The following EVI5 variants were observed in gnomAD, a reference collection of about 807,000 sequenced individuals.
EVI5 encodes the protein ecotropic viral integration site 5, also known as ecotropic viral integration site 5 protein homolog.
A neutral mutation model predicts 112.0 loss-of-function variants in EVI5; 73 were observed. The ratio of observed to expected loss-of-function variants is 0.65; its 90% CI spans 0.54 to 0.79. EVI5 has a LOEUF of 0.79. Ranked by LOEUF, EVI5 falls within the 30% of genes least tolerant of loss-of-function variation. The pLI, the probability that EVI5 is intolerant of heterozygous loss-of-function variation, is 0.00. For missense variants in EVI5, 900 were observed against 968.8 expected, an observed-to-expected ratio of 0.93 and a Z score of 0.94; for synonymous variants, 305 against 319.9, an observed-to-expected ratio of 0.95 and a Z score of 0.50.
At chr1:92,636,087 G>A in intron 14 of EVI5, 115 bp downstream of exon 14, 1 of 813,146 alleles carries the variant, frequency 1.2e-6, no homozygotes, top group Middle Eastern at 2.4e-4. Flanking sequence ...TAACTAATAT[G>A]TAAGGCTTCT....
Position 92,694,325 on chromosome 1 carries a change from G to T in EVI5, c.973C>A (p.Gln325Lys). Residue 325 changes from glutamine to lysine, a missense_variant, in exon 8 of 20, where the codon CAA becomes AAA. Coordinates refer to ENST00000684568, the MANE Select transcript of EVI5 (RefSeq NM_001350197.2). Reference protein sequence around the residue: ...LLQMNQAELMQLDMEGMLQHF... With the variant: ...LLQMNQAELMKLDMEGMLQHF... ...TGTAACATCCCTTCCATGTCAAGTT[G>T]CATCAGTTCTGCCTGATTCATCTGA... 1 of 1,593,002 alleles carries T rather than the reference G, an allele frequency of 6.3e-7. No homozygotes were observed. The highest frequency in any genetic ancestry group is 8.6e-7 in the Non-Finnish European group (1 of 1,163,788).
chr1:92,599,801 T>C (rs1648724512), intron 18 of EVI5, among the ~76,000 whole-genome samples: 1 of 152,186 alleles, frequency 6.6e-6, no homozygotes, highest in Non-Finnish European at 1.5e-5. Flanking sequence ...GTGGGCAGAA[T>C]ACAGCATGTA....
At chr1:92,677,245 A>G (rs1359873335) in intron 9 of EVI5, 27 bp from the exon 10 acceptor site, 2 of 1,314,706 alleles carry the variant, frequency 1.5e-6, no homozygotes, top group Non-Finnish European at 2.1e-6. Flanking sequence ...AAAGAGTTAA[A>G]GGTAATGTTT....
intron 18 of EVI5, among the ~76,000 whole-genome samples, chr1:92,572,271 C>T (rs1295094322): frequency 1.3e-5 from 2 of 151,796 alleles, no homozygotes; most frequent in East Asian, 3.9e-4. Flanking sequence ...AAATAAGATC[C>T]CTACAATGGA....
intron 14 of EVI5, among the ~76,000 whole-genome samples, chr1:92,633,296 G>A (rs568723113): frequency 1.3e-5 from 2 of 152,202 alleles, no homozygotes; most frequent in Non-Finnish European, 2.9e-5. Flanking sequence ...CATTATTATT[G>A]TGTGGGAGTC....
intron 1 of EVI5, chr1:92,749,161 T>C (rs751389890): frequency 1.6e-4 from 44 of 266,992 alleles, no homozygotes; most frequent in Non-Finnish European, 2.7e-4. Flanking sequence ...AATTGTATTA[T>C]AGTCATGATG....
At chr1:92,606,437 AACTC>A (rs1289083436) in intron 17 of EVI5, among the ~76,000 whole-genome samples, 2 of 152,234 alleles carry the variant, frequency 1.3e-5, no homozygotes, top group Non-Finnish European at 2.9e-5. Context: ...GCATCATAAA[AACTC>A]AATCAGATAT....
intron 9 of EVI5, among the ~76,000 whole-genome samples, chr1:92,678,502 G>T (rs536038479): frequency 1.1e-4 from 16 of 152,202 alleles, no homozygotes; most frequent in South Asian, 8.3e-4. Context: ...CTGCACTCCA[G>T]CCTGGGACCC....
chr1:92,716,457 A>C (rs1673704347), intron 2 of EVI5, among the ~76,000 whole-genome samples: 1 of 152,214 alleles, frequency 6.6e-6, no homozygotes, highest in South Asian at 2.1e-4. Flanking sequence ...CCAAAATCCC[A>C]TGTGTAGGTC....
intron 1 of EVI5, among the ~76,000 whole-genome samples, chr1:92,763,738 T>C (rs1316337019): frequency 6.6e-6 from 1 of 152,180 alleles, no homozygotes; most frequent in Non-Finnish European, 1.5e-5. Flanking sequence ...TTTGAGGCTG[T>C]AGTGAGCTAT....
intron 18 of EVI5, among the ~76,000 whole-genome samples, chr1:92,572,417 G>C (rs1235800271): frequency 1.3e-5 from 2 of 151,946 alleles, no homozygotes; most frequent in Admixed American, 1.3e-4. Context: ...TAAAATACTG[G>C]GAGGAAAAGT....
intron 3 of EVI5, 76 bp from the exon 4 acceptor site, chr1:92,703,695 G>T: frequency 1.1e-6 from 1 of 870,932 alleles, no homozygotes; most frequent in Non-Finnish European, 1.8e-6. Flanking sequence ...CTTATTAGGG[G>T]GTTGGAATGA....
intron 11 of EVI5, among the ~76,000 whole-genome samples, chr1:92,664,852 G>C (rs1440206733): frequency 6.6e-6 from 1 of 152,094 alleles, no homozygotes; most frequent in African/African-American, 2.4e-5. Flanking sequence ...AAGATTTTAA[G>C]ATCCTTGGCA....
At chr1:92,792,270 A>G (rs1686154426) in intron 1 of EVI5, 1 of 967,508 alleles carries the variant, frequency 1.0e-6, no homozygotes, top group South Asian at 1.3e-5. Context: ...ACTCAATAAC[A>G]AATTACTTTC....
intron 13 of EVI5, among the ~76,000 whole-genome samples, chr1:92,653,405 ACT>A (rs1406549843): frequency 3.3e-5 from 5 of 152,186 alleles, no homozygotes; most frequent in Non-Finnish European, 5.9e-5. Context: ...CCACCTGTGG[ACT>A]CTGAGTGACT....
chr1:92,623,701 C>T (rs1318851303), intron 16 of EVI5, among the ~76,000 whole-genome samples: 3 of 152,188 alleles, frequency 2.0e-5, no homozygotes, highest in Non-Finnish European at 4.4e-5. Flanking sequence ...CCCCAGGGGA[C>T]ATTTGGCAAT....
intron 1 of EVI5, chr1:92,756,883 T>A (rs1242392918): frequency 2.4e-6 from 1 of 420,418 alleles, no homozygotes; most frequent in Non-Finnish European, 4.7e-6. Context: ...TTAAGCCCTG[T>A]CTGAATGTTT....
intron 9 of EVI5, among the ~76,000 whole-genome samples, chr1:92,679,456 A>C (rs1311138253): frequency 6.6e-6 from 1 of 152,188 alleles, no homozygotes; most frequent in African/African-American, 2.4e-5. Flanking sequence ...GCATTATGTA[A>C]AAATATCACT....
intron 1 of EVI5, among the ~76,000 whole-genome samples, chr1:92,750,946 C>G (rs1023420026): frequency 1.2e-4 from 18 of 152,000 alleles, no homozygotes; most frequent in Admixed American, 1.3e-4. Context: ...GTCAGGAGAT[C>G]GAGACCATCC....
Sources: gnomAD v4.1 joint callset for allele counts (sites outside exome capture counted in the v4.1 genomes callset) on GRCh38, gnomAD v4.1.1 for gene constraint, MANE v1.5 for transcripts, NCBI Gene and HGNC (gene_info 2026-07-23, HGNC 2026-07-21) for gene names.